The following CACNA1E variants were observed in gnomAD, a reference collection of about 807,000 sequenced individuals.
CACNA1E encodes the protein calcium voltage-gated channel subunit alpha1 E, also known as voltage-dependent R-type calcium channel subunit alpha-1E.
In CACNA1E, 40 loss-of-function variants were observed where a neutral mutation model predicts 259.2. That is an observed-to-expected ratio of 0.15 (90% confidence interval 0.12 to 0.20). CACNA1E has a LOEUF of 0.20. CACNA1E is among the 10% of genes least tolerant of loss of function. CACNA1E has a pLI of 1.00. For synonymous variants in CACNA1E, 1,104 were observed against 1,138.5 expected (o/e 0.97, Z 0.61); for missense variants, 1,874 against 3,040.1 (o/e 0.62, Z 9.02).
intron 7 of CACNA1E, among the ~76,000 whole-genome samples, chr1:181,694,222 A>T (rs765966143): frequency 6.6e-6 from 1 of 152,362 alleles, no homozygotes; most frequent in South Asian, 2.1e-4. Context: ...CAGTCAAGTT[A>T]ATGTACTACA....
rs571013441 is a variant in CACNA1E, at chr1:181,508,681, G to C, written c.267-1796G>C. Among the ~76,000 whole-genome samples the C allele has an allele frequency of 1.3e-5, 2 of 152,304 alleles. 1 individual carries two copies. Among genetic ancestry groups the C allele is most frequent in the Admixed American group, 1.3e-4 (2 of 15,294 alleles). On this transcript the variant is annotated intron_variant, in intron 1 of 47. Coordinates refer to ENST00000367573, the MANE Select transcript of CACNA1E (RefSeq NM_001205293.3). ...GGGCATGGGTGGCCCTTGGCAGGCTGTATGTTGGGGGCCAGTCCTTAGAAG... is the reference window on the plus strand; with the variant it reads ...GGGCATGGGTGGCCCTTGGCAGGCTCTATGTTGGGGGCCAGTCCTTAGAAG...
intron 6 of CACNA1E, among the ~76,000 whole-genome samples, chr1:181,620,812 A>T (rs760053794): frequency 6.6e-6 from 1 of 152,208 alleles, no homozygotes; most frequent in Admixed American, 6.5e-5. Flanking sequence ...GCTCATTCAC[A>T]TAGGAGATTG....
intron 43 of CACNA1E, among the ~76,000 whole-genome samples, chr1:181,788,079 T>C (rs1412504512): frequency 6.6e-6 from 1 of 152,200 alleles, no homozygotes; most frequent in Non-Finnish European, 1.5e-5. Context: ...ATTTCGTAGG[T>C]TACTGCAGTT....
rs115133231 is a variant in CACNA1E at position 181,734,948 on chromosome 1, C to T, written c.3262+1198C>T. On this transcript the variant is annotated intron_variant, in intron 21 of 47. Coordinates refer to ENST00000367573, the MANE Select transcript of CACNA1E (RefSeq NM_001205293.3). ...CTGCTCTGGCCTCATGATCTCTGTGCATTAATCCCACCTGCTGCCCCGTGA... is the reference window on the plus strand; with the variant it reads ...CTGCTCTGGCCTCATGATCTCTGTGTATTAATCCCACCTGCTGCCCCGTGA... Among the ~76,000 whole-genome samples the T allele has an allele frequency of 1.8e-3, 273 of 152,340 alleles. 1 individual carries two copies. Among genetic ancestry groups the T allele is most frequent in the Non-Finnish European group, 3.4e-3 (234 of 68,028 alleles).
intron 7 of CACNA1E, among the ~76,000 whole-genome samples, chr1:181,679,668 TG>T (rs1208662902): frequency 1.3e-5 from 2 of 152,156 alleles, no homozygotes; most frequent in African/African-American, 4.8e-5. Flanking sequence ...ACTGCAGTGA[TG>T]GGATTCTGAG....
chr1:181,512,788 G>A (rs1266054390), intron 3 of CACNA1E, among the ~76,000 whole-genome samples: 1 of 152,080 alleles, frequency 6.6e-6, no homozygotes, highest in Non-Finnish European at 1.5e-5. Flanking sequence ...AATATCTGTT[G>A]CCTTACAAAA....
intron 1 of CACNA1E, among the ~76,000 whole-genome samples, chr1:181,344,236 T>C (rs1234058498): frequency 3.9e-5 from 6 of 152,222 alleles, no homozygotes; most frequent in African/African-American, 7.2e-5. Flanking sequence ...AGCAGCTGCA[T>C]GTACCTGTCC....
At chr1:181,376,380 G>A (rs905700864) in intron 1 of CACNA1E, among the ~76,000 whole-genome samples, 7 of 152,192 alleles carry the variant, frequency 4.6e-5, no homozygotes, top group Non-Finnish European at 8.8e-5. Flanking sequence ...TGGAAGAGCC[G>A]CTTTTCCTTC....
chr1:181,398,708 C>G lies in CACNA1E; in HGVS notation c.-14-14425C>G, dbSNP rs139732680. Among the ~76,000 whole-genome samples the G allele has an allele frequency of 1.8e-3, 275 of 152,346 alleles. 1 individual carries two copies. Among genetic ancestry groups the G allele is most frequent in the Middle Eastern group, 6.8e-3 (2 of 294 alleles). On this transcript the variant is annotated intron_variant, in intron 1 of 11. Transcript: ENST00000524607. ...GCATTGCTCTGTCACCCCCACCCAA[C>G]CTGGTCACCTTTCACTATGACCACT...
chr1:181,371,011 C>G (rs1287452927), intron 1 of CACNA1E, among the ~76,000 whole-genome samples: 2 of 152,136 alleles, frequency 1.3e-5, no homozygotes, highest in Non-Finnish European at 2.9e-5. Context: ...ATTTGCATTT[C>G]TCTAATGACT....
chr1:181,560,570 G>A (rs1649220803), intron 3 of CACNA1E, among the ~76,000 whole-genome samples: 1 of 152,140 alleles, frequency 6.6e-6, no homozygotes, highest in African/African-American at 2.4e-5. Context: ...TCCATTGAGT[G>A]CACCATACTT....
At chr1:181,701,452 G>A (rs974079443) in intron 7 of CACNA1E, among the ~76,000 whole-genome samples, 1 of 152,152 alleles carries the variant, frequency 6.6e-6, no homozygotes, top group Non-Finnish European at 1.5e-5. Context: ...GCACCACGGG[G>A]CTTTGAACCC....
intron 1 of CACNA1E, among the ~76,000 whole-genome samples, chr1:181,353,165 T>C (rs1477412203): frequency 6.6e-6 from 1 of 152,198 alleles, no homozygotes; most frequent in Non-Finnish European, 1.5e-5. Flanking sequence ...CCTTCTCCAC[T>C]AACCCTGATG....
At chr1:181,471,246 G>A (rs79061124) in intron 2 of CACNA1E, among the ~76,000 whole-genome samples, 14,331 of 152,274 alleles carry the variant, frequency 0.094, 828 homozygotes, top group South Asian at 0.19. Context: ...TGGGGATTAA[G>A]TTTTAACATG....
At chr1:181,747,204 G>T (rs1461090535) in intron 25 of CACNA1E, among the ~76,000 whole-genome samples, 1 of 152,220 alleles carries the variant, frequency 6.6e-6, no homozygotes, top group Non-Finnish European at 1.5e-5. Flanking sequence ...AGGGCAGAAG[G>T]CCATGGCACT....
chr1:181,589,679 A>G (rs1360101110), intron 6 of CACNA1E, among the ~76,000 whole-genome samples: 1 of 152,088 alleles, frequency 6.6e-6, no homozygotes, highest in Non-Finnish European at 1.5e-5. Flanking sequence ...TGATTGACCT[A>G]TGAATCATAG....
At position 181,737,607 on chromosome 1, in the gene CACNA1E, G is replaced by T; in HGVS notation, c.3505G>T (p.Ala1169Ser). The T allele has an allele frequency of 6.2e-7, 1 of 1,613,944 alleles. No homozygotes were observed. Among genetic ancestry groups the T allele is most frequent in the Non-Finnish European group, 8.5e-7 (1 of 1,179,860 alleles). The change falls in exon 23 of 48, where the codon GCC becomes TCC. Residue 1169 changes from alanine to serine, a missense_variant. Physicochemically the swap from Ala to Ser is moderately conservative, Grantham distance 99 (BLOSUM62 1). This residue lies in a region of CACNA1E where 56 missense variants were observed against 97.4 expected (regional missense o/e 0.57). Transcript: ENST00000367573. ...CCTGGTGATTGCAGCCAGCAGCATC[G>T]CCCTGGCGGCAGAGGACCCCGTCCT... ...ILLVIAASSI[A>S]LAAEDPVLTN...
chr1:181,358,007 T>A (rs1019746049), intron 1 of CACNA1E, among the ~76,000 whole-genome samples: 2 of 152,144 alleles, frequency 1.3e-5, no homozygotes, highest in Admixed American at 6.5e-5. Flanking sequence ...GAGCGTTCTG[T>A]CTGTCAGAAA....
At chr1:181,724,327 C>G in intron 16 of CACNA1E, 143 bp from the exon 17 acceptor site, 2 of 636,802 alleles carry the variant, frequency 3.1e-6, no homozygotes, top group Non-Finnish European at 5.7e-6. Flanking sequence ...CCTCTCTGTT[C>G]TCACAGCCCC....
Sources: gnomAD v4.1 joint callset for allele counts (sites outside exome capture counted in the v4.1 genomes callset) on GRCh38, gnomAD v4.1.1 for gene constraint, gnomAD v4.1.1 regional missense constraint, MANE v1.5 for transcripts, NCBI Gene and HGNC (gene_info 2026-07-23, HGNC 2026-07-21) for gene names.